ARID4B: variants seen among roughly 807,000 people sequenced by gnomAD.
ARID4B encodes AT-rich interaction domain 4B, also known as AT-rich interactive domain-containing protein 4B.
In ARID4B, 26 loss-of-function variants were observed where a neutral mutation model predicts 147.5. The ratio of observed to expected loss-of-function variants is 0.18; its 90% CI spans 0.13 to 0.24. ARID4B has a LOEUF of 0.24. Ranked by LOEUF, ARID4B falls within the 10% of genes least tolerant of loss-of-function variation. The pLI, the probability that ARID4B is intolerant of heterozygous loss-of-function variation, is 1.00. For synonymous variants in ARID4B, 512 were observed against 507.9 expected, an observed-to-expected ratio of 1.01 and a Z score of -0.11; for missense variants, 1,179 against 1,511.5, an observed-to-expected ratio of 0.78 and a Z score of 3.65.
At chr1:235,181,164 T>A in intron 20 of ARID4B, 1 of 1,041,766 alleles carries the variant, frequency 9.6e-7, no homozygotes, top group Non-Finnish European at 1.2e-6. Context: ...ACATACAGTA[T>A]TTGGTTAAGG....
rs1664716473 is a variant in ARID4B at position 235,186,820 on chromosome 1, T to C, written c.2126-4027A>G. Among the ~76,000 whole-genome samples the C allele has an allele frequency of 4.6e-5, 7 of 152,220 alleles. 1 individual carries two copies. In the South Asian group the frequency reaches 1.5e-3, roughly 32 times the overall value. ...AAGCAATTCTCATGCTTCTGCCTCC[T>C]GAGCAGCTGGGATTATAGGCACCAA... On this transcript the variant is annotated intron_variant, in intron 19 of 23. Transcript: ENST00000264183.
chr1:235,287,073 AAC>A (rs1230732234), intron 2 of ARID4B, among the ~76,000 whole-genome samples: 1 of 152,146 alleles, frequency 6.6e-6, no homozygotes, highest in Admixed American at 6.6e-5. Flanking sequence ...CAGCCTGGCT[AAC>A]ACGGTGAAAC....
chr1:235,238,973 CTTTT>C (rs998623137), intron 8 of ARID4B, among the ~76,000 whole-genome samples: 2 of 142,596 alleles, frequency 1.4e-5, no homozygotes, highest in Non-Finnish European at 3.0e-5. Flanking sequence ...CAAGATAATT[CTTTT>C]TTTTTCTTCT....
intron 16 of ARID4B, among the ~76,000 whole-genome samples, chr1:235,216,854 GA>G (rs1667126906): frequency 6.6e-6 from 1 of 151,754 alleles, no homozygotes. Context: ...GCATAGTGGG[GA>G]AAAGAAGCAT....
At chr1:235,233,514 A>T (rs1668370140) in intron 9 of ARID4B, among the ~76,000 whole-genome samples, 1 of 152,082 alleles carries the variant, frequency 6.6e-6, no homozygotes, top group Non-Finnish European at 1.5e-5. Flanking sequence ...TCAAATCTTA[A>T]AACATGATGA....
rs182915990 is a variant in ARID4B at position 235,292,804 on chromosome 1, T to C, written c.7-32052A>G. 6.2e-4 allele frequency among the ~76,000 whole-genome samples: 95 copies of C among 152,320 alleles called. 1 individual carries two copies. The highest frequency in any genetic ancestry group is 1.8e-4 in the Non-Finnish European group (12 of 68,032). ...AGATAAATTTATAGATCTACTTTTATGTAACAGTAACAGAACAGGTACAAC... is the reference window on the plus strand; with the variant it reads ...AGATAAATTTATAGATCTACTTTTACGTAACAGTAACAGAACAGGTACAAC... On this transcript the variant is annotated intron_variant, in intron 2 of 23. Transcript: ENST00000264183.
At chr1:235,316,542 C>G (rs1404377624) in intron 2 of ARID4B, among the ~76,000 whole-genome samples, 1 of 146,650 alleles carries the variant, frequency 6.8e-6, no homozygotes, top group Non-Finnish European at 1.5e-5. Context: ...TAAGGCTGGG[C>G]ACGGTGGCTG....
At chr1:235,173,742 TAAAAAAAAAAAAAAAAAAAAAAAAA>T (rs755815257) in intron 22 of ARID4B, among the ~76,000 whole-genome samples, 1 of 26,262 alleles carries the variant, frequency 3.8e-5, no homozygotes, top group African/African-American at 1.5e-4. Flanking sequence ...CGTCTCTATT[TAAAAAAAAAAAAAAAAAAAAAAAAA>T]AAAAATATAT....
rs543080700 is a variant in ARID4B at position 235,318,891 on chromosome 1, T to C, written c.6+8023A>G. Among the ~76,000 whole-genome samples the C allele has an allele frequency of 3.3e-5, 5 of 151,502 alleles. No individual in the cohort carries two copies. In the East Asian group the frequency reaches 9.8e-4, roughly 30 times the overall value. On this transcript the variant is annotated intron_variant, in intron 2 of 23. Transcript: ENST00000264183. Reference sequence around the variant, plus strand: ...ATCAAAACTCTTCTCAAAAAAAAAATTTAGATTAGTTACTGGAGGGATAAA... The same window carrying C: ...ATCAAAACTCTTCTCAAAAAAAAAACTTAGATTAGTTACTGGAGGGATAAA...
intron 7 of ARID4B, among the ~76,000 whole-genome samples, chr1:235,241,759 C>T (rs573078931): frequency 1.4e-4 from 21 of 152,030 alleles, no homozygotes; most frequent in African/African-American, 3.6e-4. Flanking sequence ...CCTCGTGATC[C>T]GCCCACCTCG....
At chr1:235,318,895 G>A (rs746901384) in intron 2 of ARID4B, among the ~76,000 whole-genome samples, 1 of 151,968 alleles carries the variant, frequency 6.6e-6, no homozygotes, top group Non-Finnish European at 1.5e-5. Context: ...AAAAAATTTA[G>A]ATTAGTTACT....
intron 2 of ARID4B, among the ~76,000 whole-genome samples, chr1:235,299,053 A>T (rs1000342888): frequency 6.6e-6 from 1 of 152,110 alleles, no homozygotes; most frequent in Non-Finnish European, 1.5e-5. Context: ...CAGGAGTTCC[A>T]AGCCAGCCTA....
At chr1:235,311,245 C>T (rs933874695) in intron 2 of ARID4B, among the ~76,000 whole-genome samples, 7 of 151,720 alleles carry the variant, frequency 4.6e-5, no homozygotes, top group Non-Finnish European at 5.9e-5. Flanking sequence ...CCCAACTACT[C>T]GAGAGGCTGA....
chr1:235,326,794 C>CA (rs1340326480), intron 2 of ARID4B, 120 bp downstream of exon 2: 7 of 1,327,556 alleles, frequency 5.3e-6, no homozygotes, highest in Non-Finnish European at 7.6e-6. Flanking sequence ...GCTCGGTCAC[C>CA]AAGTCACCAA....
Position 235,213,859 on chromosome 1 carries a change from T to C in ARID4B, c.1751A>G (p.Asn584Ser), listed in dbSNP as rs1666864913. ...KVQVRYGRGK[N>S]QKMYEASIKD... The stretch of plus-strand genomic sequence containing the variant: ...AATACTAGCTTCATACATTTTTTGA[T>C]TTTTCCCTCGTCCATACCGCACTTG... The change falls in exon 17 of 24, where the codon AAT (asparagine) becomes AGT (serine). Residue 584 changes from asparagine (N) to serine (S), a missense_variant. By Grantham distance (46) the Asn-to-Ser change is conservative. Transcript: ENST00000264183. 1 of 1,614,146 alleles carries C rather than the reference T, an allele frequency of 6.2e-7. No homozygotes were observed. The highest frequency in any genetic ancestry group is 1.7e-5 in the Admixed American group (1 of 60,016).
intron 22 of ARID4B, among the ~76,000 whole-genome samples, chr1:235,173,292 C>A (rs536902917): frequency 6.6e-6 from 1 of 152,012 alleles, no homozygotes; most frequent in Non-Finnish European, 1.5e-5. Flanking sequence ...TGGAGTGAGC[C>A]GAGATTGTGC....
intron 17 of ARID4B, among the ~76,000 whole-genome samples, chr1:235,199,418 G>T (rs1482325910): frequency 1.3e-5 from 2 of 151,774 alleles, no homozygotes; most frequent in Non-Finnish European, 2.9e-5. Context: ...ACACAATATT[G>T]TTACTGTTAT....
chr1:235,280,174 T>A (rs1186387068), intron 2 of ARID4B, among the ~76,000 whole-genome samples: 1 of 152,182 alleles, frequency 6.6e-6, no homozygotes, highest in African/African-American at 2.4e-5. Context: ...GACAGTAACT[T>A]CAAGTCTAAA....
At chr1:235,295,831 T>G (rs1572177552) in intron 2 of ARID4B, 1 of 148,002 alleles carries the variant, frequency 6.8e-6, no homozygotes, top group Admixed American at 6.7e-5. Context: ...AAGACACAAC[T>G]ATAAAAGAAG....
Sources: gnomAD v4.1 joint callset for allele counts (sites outside exome capture counted in the v4.1 genomes callset) on GRCh38, gnomAD v4.1.1 for gene constraint, MANE v1.5 for transcripts, NCBI Gene and HGNC (gene_info 2026-07-23, HGNC 2026-07-21) for gene names.